The following ELL3 variants were observed in gnomAD, a reference collection of about 807,000 sequenced individuals.
The protein encoded by ELL3 is RNA polymerase II elongation factor ELL3.
In ELL3, 48 loss-of-function variants were observed where a neutral mutation model predicts 58.5. The ratio of observed to expected loss-of-function variants is 0.82; its 90% CI spans 0.65 to 1.04. The LOEUF is 1.04. ELL3 is among the 50% of genes least tolerant of loss of function. The pLI is 0.00. For missense variants in ELL3, 458 were observed against 478.4 expected, an observed-to-expected ratio of 0.96 and a Z score of 0.40; for synonymous variants, 174 against 173.2, an observed-to-expected ratio of 1.00 and a Z score of -0.04.
chr15:43,775,065 TACC>T (rs1381270360), intron 6 of ELL3, among the ~76,000 whole-genome samples: 2 of 150,768 alleles, frequency 1.3e-5, no homozygotes, highest in African/African-American at 4.9e-5. Context: ...GCCGTGATCA[TACC>T]ACAACACTCC....
At position 43,774,666 on chromosome 15, in the gene ELL3, C is replaced by T. The variant is rs140262572; in HGVS notation, c.753G>A (p.Glu251=). 6.2e-7 allele frequency: 1 copy of T among 1,614,176 alleles called. No homozygotes were observed. Among genetic ancestry groups the T allele is most frequent in the South Asian group, 1.1e-5 (1 of 91,076 alleles). The change falls in exon 7 of 11, where the codon GAG becomes GAA. Residue 251 remains glutamate, a synonymous_variant. Coordinates refer to ENST00000319359, the MANE Select transcript of ELL3 (RefSeq NM_025165.3). ...CATCTTCTTGCTCCCAATCTTCTCC[C>T]TCTTGTAAATCCTGATTGGTCAGGC... The part of the protein sequence containing the change: ...LQGLTNQDLQ[E]GEDWEQEDED...
At position 43,776,530 on chromosome 15, in the gene ELL3, A is replaced by G. The variant is rs757474204; in HGVS notation, c.147T>C (p.Ile49=). 4.2e-5 allele frequency: 66 copies of G among 1,568,442 alleles called. No individual in the cohort carries two copies. In the Middle Eastern group the frequency reaches 5.0e-4, roughly 12 times the overall value. Residue 49 remains isoleucine (I), a synonymous_variant, in exon 2 of 11, where the codon ATT becomes ATC. Transcript: ENST00000319359. ...ECQRQQVRPV[I]AFQGHRGYLR... ...TTACCCCTCGGTGGCCTTGGAAAGC[A>G]ATCACCGGCCGTACCTGCGGGGAGA...
At chr15:43,775,192 C>T (rs907109589) in intron 6 of ELL3, 114 bp downstream of exon 6, 36 of 1,071,388 alleles carry the variant, frequency 3.4e-5, no homozygotes, top group Middle Eastern at 4.5e-4. Flanking sequence ...TCCCATATAA[C>T]GAGCTTCCAA....
rs2086911271 is a variant in ELL3, at chr15:43,775,847, G to T, written c.358C>A (p.Pro120Thr). The T allele has an allele frequency of 6.2e-7, 1 of 1,614,046 alleles. No individual in the cohort carries two copies. Among genetic ancestry groups the T allele is most frequent in the Non-Finnish European group, 8.5e-7 (1 of 1,180,042 alleles). ...TGTCCCTGAACTGATGATGGGGCTG[G>T]GATAGAATCCATGGCTGCCCAAATA... ...LIIWAAMDSI[P>T]APSSVQGHNL... Residue 120 changes from proline to threonine, a missense_variant, in exon 4 of 11, where the codon CCA (proline) becomes ACA (threonine). Transcript: ENST00000319359.
intron 2 of ELL3, 47 bp downstream of exon 2, chr15:43,776,462 T>C: frequency 6.4e-7 from 1 of 1,555,090 alleles, no homozygotes; most frequent in Non-Finnish European, 8.7e-7. Flanking sequence ...CCCACGTTTA[T>C]GCTCCCTCGC....
rs1257666207 is a variant in ELL3 at position 43,772,719 on chromosome 15, ACT to A, written c.*395_*396del. 1 of 157,760 alleles carries A rather than the reference ACT, an allele frequency of 6.3e-6. No homozygotes were observed. The highest frequency in any genetic ancestry group is 2.4e-5 in the African/African-American group (1 of 41,660). 9.8% of individuals were successfully genotyped at this position (157,760 alleles called of 1,614,324 possible). On this transcript the variant is annotated 3_prime_UTR_variant, in exon 11 of 11. Transcript: ENST00000319359. ...TCCAGGTATGCTACAAGTTCTTTTA[ACT>A]CTTATCAGAAGTTATTATTACTGTT...
At chr15:43,774,834 C>A in intron 6 of ELL3, 61 bp from the exon 7 acceptor site, 1 of 1,495,760 alleles carries the variant, frequency 6.7e-7, no homozygotes, top group Non-Finnish European at 8.9e-7. Flanking sequence ...ATGTTCTTCT[C>A]TCAAGAATTT....
At chr15:43,776,268 T>TA in intron 2 of ELL3, 117 bp from the exon 3 acceptor site, 6 of 1,129,466 alleles carry the variant, frequency 5.3e-6, no homozygotes, top group Non-Finnish European at 1.3e-6. Flanking sequence ...CAGGGCTTGT[T>TA]AGCACACCAG....
intron 9 of ELL3, among the ~76,000 whole-genome samples, 198 bp from the exon 10 acceptor site, chr15:43,773,546 G>A (rs559021366): frequency 2.9e-4 from 44 of 152,048 alleles, no homozygotes; most frequent in African/African-American, 1.1e-3. Flanking sequence ...TTAGCTGGGC[G>A]TGGTGGCAGG....
chr15:43,774,578 C>T lies in ELL3; in HGVS notation c.823+18G>A, dbSNP rs1426582626. ...AGTCTTTTCCACTGGCATTTTTACC[C>T]TCCTCTCATTAACTCACCTTCTTGA... is the stretch of plus-strand genomic sequence containing the variant. On this transcript the variant is annotated intron_variant, in intron 7 of 10. Coordinates refer to ENST00000319359, the MANE Select transcript of ELL3 (RefSeq NM_025165.3). The T allele has an allele frequency of 6.2e-7, 1 of 1,613,848 alleles. No homozygotes were observed. The highest frequency in any genetic ancestry group is 8.5e-7 in the Non-Finnish European group (1 of 1,179,920).
rs1399937178 is a variant in ELL3, at chr15:43,775,802, TGGCATCTTCAGTCA to T, written c.389_402del (p.Leu130GlnfsTer4). On this transcript the variant is annotated frameshift_variant, in exon 4 of 11. Coordinates refer to ENST00000319359, the MANE Select transcript of ELL3 (RefSeq NM_025165.3). LOFTEE classifies it high-confidence loss of function. ...GTGTTCTGCCAACTCTCAGGATGTC[TGGCATCTTCAGTCA>T]GGTTGTGTCCCTGAACTGATGATGG... The T allele has an allele frequency of 1.2e-6, 2 of 1,614,216 alleles. No homozygotes were observed. Among genetic ancestry groups the T allele is most frequent in the South Asian group, 2.2e-5 (2 of 91,084 alleles).
Position 43,773,128 on chromosome 15 carries a change from GT to G in ELL3, c.1181del (p.Asn394ThrfsTer27). 6.2e-7 allele frequency: 1 copy of G among 1,608,230 alleles called. No homozygotes were observed. ...TCCCTTGATAACTTCAGCTGCCCCTGTTCTTTTCCTCAAACTCCAGGATGAG... is the reference window on the plus strand; with the variant it reads ...TCCCTTGATAACTTCAGCTGCCCCTGTCTTTTCCTCAAACTCCAGGATGAG... The part of the protein sequence containing the change: ...KGLILEFEEK[N>X]RGS On this transcript the variant is annotated frameshift_variant, in exon 11 of 11. Transcript: ENST00000319359. LOFTEE classifies it high-confidence loss of function.
intron 9 of ELL3, among the ~76,000 whole-genome samples, 199 bp downstream of exon 9, chr15:43,773,983 C>T (rs933379410): frequency 1.4e-4 from 21 of 152,134 alleles, no homozygotes; most frequent in African/African-American, 4.1e-4. Flanking sequence ...GCTTGAGAGA[C>T]GGAGCTAGAC....
chr15:43,773,925 C>G (rs11633961), intron 9 of ELL3, among the ~76,000 whole-genome samples: 1 of 152,226 alleles, frequency 6.6e-6, no homozygotes, highest in East Asian at 1.9e-4. Context: ...TCGCTTTAGC[C>G]TAAGAGGTGG....
Position 43,772,968 on chromosome 15 carries a change from C to T in ELL3, c.*148G>A. On this transcript the variant is annotated 3_prime_UTR_variant, in exon 11 of 11. Transcript: ENST00000319359. ...TAAAAATTAATAATGAAAACCAAAC[C>T]TCAAGAACCTAGAGCAGCTCTCTAC... is the stretch of plus-strand genomic sequence containing the variant. 1.4e-6 allele frequency: 1 copy of T among 715,580 alleles called. No individual in the cohort carries two copies. Among genetic ancestry groups the T allele is most frequent in the Non-Finnish European group, 2.3e-6 (1 of 438,898 alleles). 44.3% of individuals were successfully genotyped at this position (715,580 alleles called of 1,614,324 possible).
intron 6 of ELL3, 114 bp downstream of exon 6, chr15:43,775,192 C>G (rs907109589): frequency 9.3e-7 from 1 of 1,071,510 alleles, no homozygotes. Context: ...TCCCATATAA[C>G]GAGCTTCCAA....
At position 43,774,182 on chromosome 15, in the gene ELL3, C is replaced by A; in HGVS notation, c.1038G>T (p.Lys346Asn). The A allele has an allele frequency of 6.2e-7, 1 of 1,614,040 alleles. No individual in the cohort carries two copies. Among genetic ancestry groups the A allele is most frequent in the Non-Finnish European group, 8.5e-7 (1 of 1,179,950 alleles). ...AAGCCAGGCTGGGTCCTGTCCTTAC[C>A]TTGTATTCTGGAGTTCCTCGCCGAA... The part of the protein sequence containing the change: ...KRVRRGTPEY[K>N]VLEDKIIQEY... Residue 346 changes from lysine (K) to asparagine (N), a missense_variant and splice_region_variant, in exon 9 of 11, where the codon AAG becomes AAT. Lys to Asn is a moderately conservative substitution (Grantham distance 94). Coordinates refer to ENST00000319359, the MANE Select transcript of ELL3 (RefSeq NM_025165.3).
intron 4 of ELL3, 34 bp from the exon 5 acceptor site, chr15:43,775,644 C>T (rs752761104): frequency 6.2e-7 from 1 of 1,614,086 alleles, no homozygotes; most frequent in Non-Finnish European, 8.5e-7. Flanking sequence ...ACTTGGTTCC[C>T]TGGAGTACTG....
intron 1 of ELL3, 30 bp from the exon 2 acceptor site, chr15:43,776,574 A>T (rs1242977837): frequency 6.4e-7 from 1 of 1,562,822 alleles, no homozygotes; most frequent in Admixed American, 1.9e-5. Context: ...GTGACCGTTG[A>T]GCGCAGGTGA....
Sources: allele counts gnomAD v4.1 joint callset (sites outside exome capture counted in the v4.1 genomes callset), GRCh38; gene constraint gnomAD v4.1.1; transcripts MANE v1.5; gene names NCBI Gene and HGNC (gene_info 2026-07-23, HGNC 2026-07-21).